TRPM3: variants seen among roughly 807,000 people sequenced by gnomAD.
TRPM3 encodes the protein long transient receptor potential channel 3.
In TRPM3, 77 loss-of-function variants were observed where a neutral mutation model predicts 181.2. The observed-to-expected ratio is 0.42, with a 90% confidence interval of 0.35 to 0.51. TRPM3 has a LOEUF of 0.51. TRPM3 is among the 20% of genes least tolerant of loss of function. The pLI is 0.01. For missense variants in TRPM3, 1,759 were observed against 2,196.7 expected (o/e 0.80, Z 3.98); for synonymous variants, 745 against 796.4 (o/e 0.94, Z 1.09).
intron 1 of TRPM3, among the ~76,000 whole-genome samples, chr9:71,020,396 T>A (rs146679461): frequency 6.6e-6 from 1 of 151,904 alleles, no homozygotes; most frequent in East Asian, 1.9e-4. Flanking sequence ...GAAGATCACT[T>A]GAGCCCAGGA....
intron 6 of TRPM3, among the ~76,000 whole-genome samples, chr9:70,787,492 T>C (rs2083950806): frequency 2.0e-5 from 3 of 152,174 alleles, no homozygotes; most frequent in Admixed American, 2.0e-4. Context: ...AAAACTATCA[T>C]GCTTATTGTA....
intron 5 of TRPM3, among the ~76,000 whole-genome samples, chr9:70,842,063 A>G (rs2094705220): frequency 6.6e-6 from 1 of 152,100 alleles, no homozygotes; most frequent in Non-Finnish European, 1.5e-5. Context: ...TGTACTCCAT[A>G]AAGATATTTT....
At chr9:71,138,333 C>A (rs1035097977) in intron 1 of TRPM3, among the ~76,000 whole-genome samples, 6 of 152,118 alleles carry the variant, frequency 3.9e-5, no homozygotes, top group Admixed American at 3.9e-4. Context: ...TCAGGAGAAA[C>A]GCTGGAGCTT....
In TRPM3 at chr9:70,805,435, A is replaced by G. The variant is rs575809812; in HGVS notation, c.974-21156T>C. Among the ~76,000 whole-genome samples the G allele has an allele frequency of 8.8e-3, 1,318 of 150,338 alleles. 10 individuals are homozygous for G. The highest frequency in any genetic ancestry group is 0.014 in the Non-Finnish European group (969 of 67,378). On this transcript the variant is annotated intron_variant, in intron 6 of 25. Transcript: ENST00000677713. Reference sequence around the variant, plus strand: ...TGTAGTCCCAGCTACTCGGGAGGCTAAGGCAGGAGAATGGCGTGAACCCGG... The same window carrying G: ...TGTAGTCCCAGCTACTCGGGAGGCTGAGGCAGGAGAATGGCGTGAACCCGG...
At chr9:71,184,169 A>G (rs1415393644) in intron 1 of TRPM3, among the ~76,000 whole-genome samples, 1 of 152,034 alleles carries the variant, frequency 6.6e-6, no homozygotes, top group Non-Finnish European at 1.5e-5. Flanking sequence ...AAAAGGGAGG[A>G]ATACCTCCCA....
At chr9:71,085,662 G>T (rs538448001) in intron 1 of TRPM3, among the ~76,000 whole-genome samples, 1 of 151,976 alleles carries the variant, frequency 6.6e-6, no homozygotes, top group Non-Finnish European at 1.5e-5. Flanking sequence ...TCTCACACCC[G>T]TCAGAATGGC....
At chr9:71,194,260 T>C (rs2078206357) in intron 1 of TRPM3, among the ~76,000 whole-genome samples, 2 of 151,936 alleles carry the variant, frequency 1.3e-5, no homozygotes, top group South Asian at 4.1e-4. Context: ...TGTTCATACG[T>C]GGGAGGAAGA....
intron 7 of TRPM3, among the ~76,000 whole-genome samples, chr9:70,767,818 G>A (rs2079444786): frequency 6.6e-6 from 1 of 152,164 alleles, no homozygotes; most frequent in Admixed American, 6.5e-5. Context: ...TTACACGGAA[G>A]CTGGCTTCTC....
chr9:71,284,300 T>C (rs865814402), intron 1 of TRPM3, among the ~76,000 whole-genome samples: 55 of 152,356 alleles, frequency 3.6e-4, no homozygotes, highest in African/African-American at 1.3e-3. Context: ...AAAAGACATC[T>C]AGTGATTCAG....
At chr9:71,413,345 A>G (rs1287123068) in intron 1 of TRPM3, among the ~76,000 whole-genome samples, 1 of 152,080 alleles carries the variant, frequency 6.6e-6, no homozygotes, top group East Asian at 1.9e-4. Flanking sequence ...TTTACCTTCA[A>G]AATTATAATA....
rs561586173 is a variant in TRPM3, at chr9:70,827,830, G to C, written c.973+17C>G. On this transcript the variant is annotated intron_variant, in intron 6 of 25. Coordinates refer to ENST00000677713, the MANE Select transcript of TRPM3 (RefSeq NM_001366145.2). ...TACCTCCTACGAGCCATGCCAGTGG[G>C]AACAACCGCTACTTACTTGTGTTTA... 1.7e-5 allele frequency: 28 copies of C among 1,612,166 alleles called. No individual in the cohort carries two copies. Among genetic ancestry groups the C allele is most frequent in the Non-Finnish European group, 2.2e-5 (26 of 1,178,624 alleles).
intron 19 of TRPM3, among the ~76,000 whole-genome samples, chr9:70,606,651 G>GTGTGTGTATATATATA (rs145779027): frequency 1.1e-3 from 150 of 140,738 alleles, no homozygotes; most frequent in African/African-American, 3.8e-3. Context: ...GTGTGTGTGT[G>GTGTGTGTATATATATA]TATATATATA....
In TRPM3 at chr9:71,058,596, C is replaced by T. The variant is rs114004683; in HGVS notation, c.177+62582G>A. 2.8e-3 allele frequency among the ~76,000 whole-genome samples: 430 copies of T among 152,134 alleles called. 3 individuals carry two copies. Among genetic ancestry groups the T allele is most frequent in the African/African-American group, 9.9e-3 (411 of 41,534 alleles). On this transcript the variant is annotated intron_variant, in intron 1 of 25. Transcript: ENST00000677713. ...AAGTTCTGCTGCAATGAATGCATTTCTATGACATGCTTTTCAAATTTCTAG... is the reference window on the plus strand; with the variant it reads ...AAGTTCTGCTGCAATGAATGCATTTTTATGACATGCTTTTCAAATTTCTAG...
intron 6 of TRPM3, among the ~76,000 whole-genome samples, chr9:70,805,900 G>A (rs754995452): frequency 3.9e-5 from 6 of 152,184 alleles, no homozygotes; most frequent in Admixed American, 3.9e-4. Context: ...ACATGCACCA[G>A]AGTCAGTGTG....
At chr9:71,103,269 T>A (rs1249233365) in intron 1 of TRPM3, among the ~76,000 whole-genome samples, 1 of 152,140 alleles carries the variant, frequency 6.6e-6, no homozygotes. Context: ...TTATGCTTTC[T>A]TATTGATAAA....
At chr9:71,126,038 A>C (rs958648562), upstream of TRPM3, among the ~76,000 whole-genome samples, 16 of 152,174 alleles carry the variant, frequency 1.1e-4, no homozygotes, top group African/African-American at 3.9e-4. Context: ...AAAAGCAAAC[A>C]ACCCCATTAG....
chr9:70,537,058 T>G lies in TRPM3; in HGVS notation c.4055A>C (p.Tyr1352Ser). ...LMPRMRSHSFYSVNMKDKGGI... is the reference protein window; with the variant it reads ...LMPRMRSHSFSSVNMKDKGGI... ...ACCTTTGTCTTTCATATTGACCGAA[T>G]AGAAAGAATGGCTTCGCATACGGGG... The change falls in exon 26 of 26, where the codon TAT becomes TCT. Residue 1352 changes from tyrosine to serine, a missense_variant. Coordinates refer to ENST00000677713, the MANE Select transcript of TRPM3 (RefSeq NM_001366145.2). The G allele has an allele frequency of 6.2e-7, 1 of 1,612,462 alleles. No homozygotes were observed. The highest frequency in any genetic ancestry group is 8.5e-7 in the Non-Finnish European group (1 of 1,178,534).
At chr9:70,985,342 T>C (rs1360139560) in intron 1 of TRPM3, among the ~76,000 whole-genome samples, 1 of 152,116 alleles carries the variant, frequency 6.6e-6, no homozygotes, top group Non-Finnish European at 1.5e-5. Flanking sequence ...GTATGTTTGG[T>C]GTGAAGATAT....
chr9:71,169,186 G>A (rs2076713232), intron 1 of TRPM3, among the ~76,000 whole-genome samples: 1 of 152,164 alleles, frequency 6.6e-6, no homozygotes, highest in South Asian at 2.1e-4. Flanking sequence ...GTTTTTGTGT[G>A]TGAAATCATC....
Sources: gnomAD v4.1 joint callset for allele counts (sites outside exome capture counted in the v4.1 genomes callset) on GRCh38, gnomAD v4.1.1 for gene constraint, MANE v1.5 for transcripts, NCBI Gene and HGNC (gene_info 2026-07-23, HGNC 2026-07-21) for gene names.